Variants in KIF5C observed in about 807,000 individuals in gnomAD.
The protein encoded by KIF5C is kinesin family member 5C, also known as kinesin heavy chain isoform 5C.
KIF5C carries 18 observed loss-of-function variants against 125.2 expected under a neutral mutation model. The ratio of observed to expected loss-of-function variants is 0.14; its 90% CI spans 0.10 to 0.21. The LOEUF is 0.21. Among genes scored for constraint, KIF5C ranks in the 10% least tolerant of loss-of-function variants. The probability of loss-of-function intolerance (pLI) is 1.00; values close to 1 mark genes in which losing one functional copy is unlikely to be tolerated. For missense variants in KIF5C, 780 were observed against 1,183.8 expected (o/e 0.66, Z 5.01); for synonymous variants, 405 against 434.0 (o/e 0.93, Z 0.83).
chr2:148,914,263 G>A (rs1681457323), intron 1 of KIF5C, among the ~76,000 whole-genome samples: 2 of 152,186 alleles, frequency 1.3e-5, no homozygotes, highest in Non-Finnish European at 2.9e-5. Context: ...GCTTGGGGGT[G>A]GGAGAGAAAG....
Position 149,012,565 on chromosome 2 carries a change from G to A in KIF5C, c.*7+882G>A, listed in dbSNP as rs186541710. Among the ~76,000 whole-genome samples, 20 of 152,366 alleles carry A rather than the reference G, an allele frequency of 1.3e-4. No individual in the cohort carries two copies. In the East Asian group the frequency reaches 3.9e-3, roughly 29 times the overall value. ...TGCATCAAGGCAAGAAGGTGAGCAG[G>A]AGGGGCTGGAGCCATCACTCAGGGT... On this transcript the variant is annotated intron_variant, in intron 25 of 25. Coordinates refer to ENST00000435030, the MANE Select transcript of KIF5C (RefSeq NM_004522.3).
intron 1 of KIF5C, among the ~76,000 whole-genome samples, chr2:148,889,824 C>T (rs770819484): frequency 2.0e-5 from 3 of 152,130 alleles, no homozygotes; most frequent in Non-Finnish European, 4.4e-5. Flanking sequence ...CTGGGCATCA[C>T]TGGCAAGCCC....
chr2:148,912,236 C>G (rs990985787), intron 1 of KIF5C, among the ~76,000 whole-genome samples: 8 of 152,168 alleles, frequency 5.3e-5, no homozygotes, highest in Non-Finnish European at 1.0e-4. Flanking sequence ...AGAGTTTGTT[C>G]TTCAAATTCC....
At chr2:148,918,930 G>A (rs1449670208) in intron 1 of KIF5C, among the ~76,000 whole-genome samples, 1 of 152,178 alleles carries the variant, frequency 6.6e-6, no homozygotes, top group African/African-American at 2.4e-5. Flanking sequence ...AAGTTTGCAT[G>A]GTATAGATGG....
Position 148,983,479 on chromosome 2 carries a change from G to T in KIF5C, c.1570-141G>T, listed in dbSNP as rs141405879. On this transcript the variant is annotated intron_variant, in intron 14 of 25. Coordinates refer to ENST00000435030, the MANE Select transcript of KIF5C (RefSeq NM_004522.3). ...CTTATCCAAGAATGCAGTGCTATGC[G>T]AGAGTTTGCCTTAAAAGGATTCTTA... The T allele has an allele frequency of 3.7e-4, 443 of 1,193,898 alleles. 1 individual carries two copies. In the African/African-American group the frequency reaches 6.4e-3, roughly 17 times the overall value. The allele number at this position is 1,193,898 out of a possible 1,614,324, so 74.0% of individuals were successfully genotyped here.
intron 1 of KIF5C, among the ~76,000 whole-genome samples, chr2:148,882,386 A>G (rs1442950044): frequency 6.6e-6 from 1 of 152,164 alleles, no homozygotes; most frequent in African/African-American, 2.4e-5. Context: ...TTACTTCTCT[A>G]CACTGTTGTC....
At chr2:149,020,606 C>T (rs947576791) in intron 25 of KIF5C, among the ~76,000 whole-genome samples, 3 of 152,126 alleles carry the variant, frequency 2.0e-5, no homozygotes, top group Non-Finnish European at 4.4e-5. Context: ...GCAAACATTG[C>T]GTCAGGCCAT....
chr2:149,016,533 T>G (rs1682364739), intron 25 of KIF5C, among the ~76,000 whole-genome samples: 1 of 152,188 alleles, frequency 6.6e-6, no homozygotes, highest in Non-Finnish European at 1.5e-5. Context: ...ATCAAGGTAG[T>G]TCCTAGATTT....
intron 14 of KIF5C, 115 bp downstream of exon 14, chr2:148,981,676 G>A: frequency 7.1e-7 from 1 of 1,418,428 alleles, no homozygotes; most frequent in South Asian, 1.6e-5. Flanking sequence ...GTTATTCAGT[G>A]TTAGATGCAT....
chr2:148,952,110 T>C (rs1195456872), intron 10 of KIF5C, among the ~76,000 whole-genome samples: 1 of 152,192 alleles, frequency 6.6e-6, no homozygotes, highest in Non-Finnish European at 1.5e-5. Context: ...TAACACCTAC[T>C]TTCCTCAAGG....
intron 15 of KIF5C, among the ~76,000 whole-genome samples, chr2:148,987,920 C>G (rs1348571605): frequency 6.6e-6 from 1 of 152,100 alleles, no homozygotes; most frequent in African/African-American, 2.4e-5. Context: ...AGTAGTTCAT[C>G]ATCGTGCACA....
rs79227515 is a variant in KIF5C at position 148,969,189 on chromosome 2, T to C, written c.1118-4147T>C. The stretch of plus-strand genomic sequence containing the variant: ...AATTTTAATAGCCCTAATGAGAATT[T>C]TTGATTAGTGTGTCATTCTCATCTG... On this transcript the variant is annotated intron_variant, in intron 11 of 25. Coordinates refer to ENST00000435030, the MANE Select transcript of KIF5C (RefSeq NM_004522.3). Among the ~76,000 whole-genome samples, 863 of 152,354 alleles carry C rather than the reference T, an allele frequency of 5.7e-3. 15 individuals are homozygous for C. The highest frequency in any genetic ancestry group is 0.055 in the East Asian group (287 of 5,182).
intron 18 of KIF5C, 104 bp downstream of exon 18, chr2:148,997,444 C>T (rs574944522): frequency 1.3e-4 from 203 of 1,563,164 alleles, no homozygotes; most frequent in Non-Finnish European, 1.7e-4. Context: ...CCGTATATGG[C>T]AAGGGACAGG....
In KIF5C at chr2:148,883,741, A is replaced by G. The variant is rs959871581; in HGVS notation, c.126+7998A>G. 41 of 152,158 alleles carry G rather than the reference A, an allele frequency of 2.7e-4. 1 individual carries two copies. Among genetic ancestry groups the G allele is most frequent in the Admixed American group, 2.6e-3 (40 of 15,278 alleles). The allele number at this position is 152,158 out of a possible 1,614,324, so 9.4% of individuals were successfully genotyped here. On this transcript the variant is annotated intron_variant, in intron 1 of 25. Coordinates refer to ENST00000435030, the MANE Select transcript of KIF5C (RefSeq NM_004522.3). ...TAAAAGTTGCATATAATTTCATTATATGCCTAATCAATACTTTATTTCCTA... is the reference window on the plus strand; with the variant it reads ...TAAAAGTTGCATATAATTTCATTATGTGCCTAATCAATACTTTATTTCCTA...
chr2:148,928,123 T>C (rs142623246), intron 2 of KIF5C, among the ~76,000 whole-genome samples: 356 of 152,218 alleles, frequency 2.3e-3, no homozygotes, highest in African/African-American at 8.3e-3. Flanking sequence ...AGAATTGATA[T>C]AGAAAAAAAA....
chr2:148,939,126 C>A (rs1319046922), intron 4 of KIF5C, among the ~76,000 whole-genome samples: 1 of 148,828 alleles, frequency 6.7e-6, no homozygotes, highest in African/African-American at 2.5e-5. Context: ...CGCAGAGTTA[C>A]AAGGCCCAAC....
chr2:148,932,109 C>T (rs904248667), intron 3 of KIF5C, among the ~76,000 whole-genome samples: 4 of 152,044 alleles, frequency 2.6e-5, no homozygotes, highest in Admixed American at 6.5e-5. Context: ...ATAGATACTG[C>T]GAGAGACCAA....
chr2:148,917,140 T>A (rs1381982085), intron 1 of KIF5C, among the ~76,000 whole-genome samples: 1 of 152,182 alleles, frequency 6.6e-6, no homozygotes, highest in Non-Finnish European at 1.5e-5. Flanking sequence ...TTTTTTTAAT[T>A]TTTTATTTTT....
At chr2:148,895,982 G>T (rs1282394911) in intron 1 of KIF5C, among the ~76,000 whole-genome samples, 1 of 152,008 alleles carries the variant, frequency 6.6e-6, no homozygotes, top group Non-Finnish European at 1.5e-5. Flanking sequence ...CCCCCTGAAG[G>T]CCCTATCCCC....
Sources: allele counts gnomAD v4.1 joint callset (sites outside exome capture counted in the v4.1 genomes callset), GRCh38; gene constraint gnomAD v4.1.1; transcripts MANE v1.5; gene names NCBI Gene and HGNC (gene_info 2026-07-23, HGNC 2026-07-21).